The following PFKFB3 variants were observed in gnomAD, a reference collection of about 807,000 sequenced individuals.
PFKFB3 encodes 6-phosphofructo-2-kinase/fructose-2,6-bisphosphatase 3.
Under a neutral mutation model 68.0 loss-of-function variants are expected in PFKFB3, and 33 were observed. The observed-to-expected ratio is 0.49, with a 90% CI of 0.37 to 0.65. The LOEUF (loss-of-function observed/expected upper bound fraction) is 0.65. PFKFB3 is among the 30% of genes least tolerant of loss of function. The pLI is 0.00. For missense variants in PFKFB3, 586 were observed against 712.2 expected (o/e 0.82, Z 2.02); for synonymous variants, 315 against 288.2 (o/e 1.09, Z -0.94).
chr10:6,165,524 G>A (rs1279339985), intron 1 of PFKFB3, among the ~76,000 whole-genome samples: 4 of 152,186 alleles, frequency 2.6e-5, no homozygotes, highest in Non-Finnish European at 5.9e-5. Context: ...TTTCCCAGGT[G>A]GAGAATTTCA....
chr10:6,217,093 C>T lies in PFKFB3; in HGVS notation c.442-42C>T, dbSNP rs371331977. The T allele has an allele frequency of 4.4e-6, 7 of 1,592,898 alleles. No homozygotes were observed. In the African/African-American group the frequency reaches 6.7e-5, roughly 15 times the overall value. On this transcript the variant is annotated intron_variant, in intron 5 of 14. Coordinates refer to ENST00000379775, the MANE Select transcript of PFKFB3 (RefSeq NM_004566.4). ...CGCAGTGATGGCAAGGTTGATCCTT[C>T]GTGGTGTTTGTTTTCTAACATCCCC...
chr10:6,199,705 G>T (rs946750913), upstream of PFKFB3, among the ~76,000 whole-genome samples: 6 of 84,362 alleles, frequency 7.1e-5, no homozygotes, highest in South Asian at 2.5e-3. Context: ...GTTTCATGTT[G>T]CCCAGGCTGG....
Position 6,203,658 on chromosome 10 carries a change from T to C in PFKFB3, c.76+322T>C, listed in dbSNP as rs541131743. On this transcript the variant is annotated intron_variant, in intron 1 of 14. Transcript: ENST00000379775. ...CCGCGATCCCTGTCCTCGACACCCG[T>C]CTCGGGCGGCCGTCGCCGGAGCGCA... is the stretch of plus-strand genomic sequence containing the variant. 3.3e-5 allele frequency among the ~76,000 whole-genome samples: 5 copies of C among 151,706 alleles called. No individual in the cohort carries two copies. In the South Asian group the frequency reaches 1.0e-3, roughly 32 times the overall value.
chr10:6,237,688 C>T (rs890748562), downstream of PFKFB3, among the ~76,000 whole-genome samples: 5 of 152,140 alleles, frequency 3.3e-5, no homozygotes, highest in Admixed American at 6.5e-5. Context: ...ACCTCTGCCT[C>T]CCGAGTAGCT....
chr10:6,158,211 C>T (rs1406206084), intron 1 of PFKFB3, among the ~76,000 whole-genome samples: 1 of 151,974 alleles, frequency 6.6e-6, no homozygotes, highest in African/African-American at 2.4e-5. Flanking sequence ...ATGGTGTGAA[C>T]CCGGGAGGCA....
intron 1 of PFKFB3, among the ~76,000 whole-genome samples, chr10:6,161,948 A>C (rs1841986671): frequency 6.6e-6 from 1 of 152,144 alleles, no homozygotes. Flanking sequence ...AGTGGTGTTA[A>C]ATATATTCAG....
At chr10:6,177,565 G>A (rs1588426846) in intron 1 of PFKFB3, among the ~76,000 whole-genome samples, 2 of 131,786 alleles carry the variant, frequency 1.5e-5, no homozygotes, top group East Asian at 2.3e-4. Context: ...CACTCTTGTT[G>A]CCCAGGCTGG....
At chr10:6,222,719 G>C in intron 10 of PFKFB3, 136 bp from the exon 11 acceptor site, 4 of 941,328 alleles carry the variant, frequency 4.2e-6, no homozygotes, top group African/African-American at 1.7e-5. Context: ...GTTAAACCCT[G>C]CTCCTTCTCA....
At chr10:6,292,282 T>C in the PFKFB3 span, among the ~76,000 whole-genome samples, 4 of 116,524 alleles carry the variant, frequency 3.4e-5, no homozygotes, top group East Asian at 5.1e-4. Flanking sequence ...TTTTTTCTTT[T>C]TTTTTTTTTT....
chr10:6,287,980 G>A, the PFKFB3 span, among the ~76,000 whole-genome samples: 1 of 152,044 alleles, frequency 6.6e-6, no homozygotes, highest in Non-Finnish European at 1.5e-5. Flanking sequence ...GATTTCCTCA[G>A]TATTTTTCTG....
intron 1 of PFKFB3, among the ~76,000 whole-genome samples, chr10:6,212,271 A>G (rs1051429228): frequency 5.3e-5 from 8 of 152,220 alleles, no homozygotes; most frequent in African/African-American, 1.7e-4. Context: ...TCCCAGGGCC[A>G]GGCGACAGCC....
At chr10:6,149,091 TA>T (rs936589484) in intron 1 of PFKFB3, among the ~76,000 whole-genome samples, 2 of 151,376 alleles carry the variant, frequency 1.3e-5, no homozygotes, top group African/African-American at 4.9e-5. Context: ...TAAAGAGAAA[TA>T]AATAAGACAG....
chr10:6,237,200 C>G (rs1045169978), downstream of PFKFB3, among the ~76,000 whole-genome samples: 1 of 152,250 alleles, frequency 6.6e-6, no homozygotes, highest in African/African-American at 2.4e-5. Flanking sequence ...TCCCGTCTCC[C>G]GAGTCCCTGC....
chr10:6,292,078 C>T, the PFKFB3 span, among the ~76,000 whole-genome samples: 34 of 150,408 alleles, frequency 2.3e-4, no homozygotes, highest in African/African-American at 6.8e-4. Flanking sequence ...CTCAGCCTCC[C>T]GAGTAGCTGG....
intron 1 of PFKFB3, among the ~76,000 whole-genome samples, chr10:6,185,738 C>T (rs1243990390): frequency 6.8e-6 from 1 of 147,768 alleles, no homozygotes; most frequent in East Asian, 2.1e-4. Context: ...CTCCTGGGTT[C>T]AAGCGATTTT....
intron 1 of PFKFB3, among the ~76,000 whole-genome samples, chr10:6,205,844 C>T (rs12769043): frequency 6.6e-6 from 1 of 151,876 alleles, no homozygotes; most frequent in Admixed American, 6.6e-5. Flanking sequence ...GTCACCCAGG[C>T]TGGAGGGCAG....
chr10:6,280,995 A>C, the PFKFB3 span, among the ~76,000 whole-genome samples: 1 of 150,408 alleles, frequency 6.6e-6, no homozygotes, highest in Non-Finnish European at 1.5e-5. Context: ...CCATTGTATC[A>C]TTCTTATGCC....
Position 6,190,235 on chromosome 10 carries a change from C to T in PFKFB3, c.17-23388C>T, listed in dbSNP as rs1044645474. ...CTGAGATTACAGGCGTGAGCCACCA[C>T]GCCCAGCTGCAAATATCTTGTTTGT... On this transcript the variant is annotated intron_variant, in intron 1 of 14. Transcript: ENST00000379789. Among the ~76,000 whole-genome samples, 7 of 152,236 alleles carry T rather than the reference C, an allele frequency of 4.6e-5. No homozygotes were observed. The East Asian group carries it at 7.7e-4, about 17-fold the overall frequency.
chr10:6,308,865 C>T, the PFKFB3 span, among the ~76,000 whole-genome samples: 31 of 152,040 alleles, frequency 2.0e-4, no homozygotes, highest in Admixed American at 7.9e-4. Flanking sequence ...TTAAAGATGC[C>T]GATAGGCCAC....
Sources: gnomAD v4.1 joint callset for allele counts (sites outside exome capture counted in the v4.1 genomes callset) on GRCh38, gnomAD v4.1.1 for gene constraint, MANE v1.5 for transcripts, NCBI Gene and HGNC (gene_info 2026-07-23, HGNC 2026-07-21) for gene names.